Variants in EIF4E3 observed in about 807,000 individuals in gnomAD.
The protein encoded by EIF4E3 is eukaryotic translation initiation factor 4E family member 3, also known as eukaryotic translation initiation factor 4E type 3.
EIF4E3 carries 26 observed loss-of-function variants against 31.7 expected under a neutral mutation model. The observed-to-expected ratio is 0.82, with a 90% CI of 0.60 to 1.14. EIF4E3 has a LOEUF of 1.14. Among genes scored for constraint, EIF4E3 ranks in the 50% most tolerant of loss-of-function variants. The pLI is 0.00. For missense variants in EIF4E3, 304 were observed against 270.9 expected (o/e 1.12, Z -0.86); for synonymous variants, 128 against 107.7 (o/e 1.19, Z -1.17).
rs2048889435 is a variant in EIF4E3, at chr3:71,678,245, T to C, written c.*6437A>G. 6.6e-6 allele frequency: 1 copy of C among 152,206 alleles called. No homozygotes were observed. The highest frequency in any genetic ancestry group is 6.5e-5 in the Admixed American group (1 of 15,274). 9.4% of individuals were successfully genotyped at this position (152,206 alleles called of 1,614,324 possible). A position where few individuals can be genotyped will look rare whatever the true frequency, so the allele number is the denominator to read the frequency against. Reference sequence around the variant, plus strand: ...CTGGAGGATGAAAATGACATTTCTATACTATAAGAACCTCAATACAGAATG... The same window carrying C: ...CTGGAGGATGAAAATGACATTTCTACACTATAAGAACCTCAATACAGAATG... On this transcript the variant is annotated 3_prime_UTR_variant, in exon 7 of 7. Coordinates refer to ENST00000425534, the MANE Select transcript of EIF4E3 (RefSeq NM_001134651.2).
chr3:71,681,100 T>C lies in EIF4E3; in HGVS notation c.*3582A>G, dbSNP rs2048916856. ...ATCACTTATAAGGCCAATGAGAGCC[T>C]AGGATTTGAGATATTTTAAGCACAT... On this transcript the variant is annotated 3_prime_UTR_variant, in exon 7 of 7. Transcript: ENST00000425534. 1 of 152,230 alleles carries C rather than the reference T, an allele frequency of 6.6e-6. No individual in the cohort carries two copies. Among genetic ancestry groups the C allele is most frequent in the South Asian group, 2.1e-4 (1 of 4,832 alleles). 9.4% of individuals were successfully genotyped at this position (152,230 alleles called of 1,614,324 possible).
downstream of EIF4E3, among the ~76,000 whole-genome samples, chr3:71,675,017 C>A (rs1228347276): frequency 6.6e-6 from 1 of 152,168 alleles, no homozygotes; most frequent in East Asian, 1.9e-4. Flanking sequence ...GCATCCCGGA[C>A]AAGTTCAAAT....
intron 1 of EIF4E3, among the ~76,000 whole-genome samples, chr3:71,740,798 G>A (rs2049811914): frequency 6.6e-6 from 1 of 152,162 alleles, no homozygotes; most frequent in African/African-American, 2.4e-5. Flanking sequence ...GAATATATGA[G>A]AAAACCTGTT....
intron 6 of EIF4E3, 139 bp downstream of exon 6, chr3:71,689,869 CTT>C: frequency 2.9e-6 from 2 of 701,248 alleles, no homozygotes; most frequent in African/African-American, 1.9e-5. Context: ...AAAAAAAAAA[CTT>C]AAATGTATTT....
chr3:71,713,859 C>T (rs974075277), intron 1 of EIF4E3, among the ~76,000 whole-genome samples: 25 of 152,100 alleles, frequency 1.6e-4, no homozygotes, highest in African/African-American at 5.8e-4. Flanking sequence ...GGGTTACACT[C>T]AACAAGAGCT....
At chr3:71,660,774 G>A in the EIF4E3 span, among the ~76,000 whole-genome samples, 18 of 152,220 alleles carry the variant, frequency 1.2e-4, no homozygotes, top group Non-Finnish European at 2.4e-4. Context: ...GTTCTGTTTT[G>A]CGGATGACAA....
intron 2 of EIF4E3, among the ~76,000 whole-genome samples, chr3:71,709,154 G>A (rs576467922): frequency 6.6e-6 from 1 of 152,158 alleles, no homozygotes; most frequent in Non-Finnish European, 1.5e-5. Context: ...CAATCTAGAT[G>A]CAGATCTATT....
chr3:71,754,156 A>G, upstream of EIF4E3: 1 of 1,457,126 alleles, frequency 6.9e-7, no homozygotes, highest in Non-Finnish European at 9.1e-7. This position sits in a 1 kb window ranked among gnomAD's most constrained non-coding sequence, Gnocchi z 5.8. Context: ...CTAGCGGGCA[A>G]CGTGCTGTTC....
At chr3:71,690,268 G>A in intron 5 of EIF4E3, 103 bp from the exon 6 acceptor site, 1 of 1,273,250 alleles carries the variant, frequency 7.9e-7, no homozygotes, top group Non-Finnish European at 1.0e-6. Context: ...GGATAAGATG[G>A]AAAAAAGAAG....
At chr3:71,721,405 G>GT (rs1032937813) in intron 1 of EIF4E3, among the ~76,000 whole-genome samples, 8 of 152,172 alleles carry the variant, frequency 5.3e-5, no homozygotes, top group African/African-American at 1.9e-4. Context: ...GGCTCGGGGT[G>GT]TGTGTGTCAG....
At chr3:71,690,217 T>C in intron 5 of EIF4E3, 52 bp from the exon 6 acceptor site, 2 of 1,516,708 alleles carry the variant, frequency 1.3e-6, no homozygotes, top group African/African-American at 1.4e-5. Context: ...CAAGTCAGTC[T>C]GACTGTTTCT....
chr3:71,662,597 C>A, the EIF4E3 span, among the ~76,000 whole-genome samples: 2 of 152,184 alleles, frequency 1.3e-5, no homozygotes, highest in Non-Finnish European at 2.9e-5. Flanking sequence ...TGTTAAAAAT[C>A]TCTTGTCTCA....
chr3:71,690,039 T>TG lies in EIF4E3; in HGVS notation c.598dup (p.His200ProfsTer5). On this transcript the variant is annotated frameshift_variant, in exon 6 of 7. Transcript: ENST00000425534. LOFTEE classifies it high-confidence loss of function. ...ATAAAATACTGCTTTAAAAGTTATG[T>TG]GGGGCAGAAGTTCATAGATCTTTTC... 6.2e-7 allele frequency: 1 copy of TG among 1,612,508 alleles called. No homozygotes were observed.
chr3:71,665,460 A>C, the EIF4E3 span, among the ~76,000 whole-genome samples: 58 of 152,334 alleles, frequency 3.8e-4, no homozygotes, highest in African/African-American at 1.3e-3. Flanking sequence ...TTAGCCAGAG[A>C]ATTTCTACAA....
At chr3:71,666,122 A>G in the EIF4E3 span, among the ~76,000 whole-genome samples, 1 of 152,218 alleles carries the variant, frequency 6.6e-6, no homozygotes. Flanking sequence ...AGACAGAGAC[A>G]TGAAAAACTC....
chr3:71,711,897 C>T lies in EIF4E3; in HGVS notation c.177-1413G>A, dbSNP rs1326972872. On this transcript the variant is annotated intron_variant, in intron 1 of 6. Coordinates refer to ENST00000425534, the MANE Select transcript of EIF4E3 (RefSeq NM_001134651.2). ...ACTGGGGAGGCTGAGACACGAGAAT[C>T]GCTTGAACACAGGAGATGGAGGTTG... Among the ~76,000 whole-genome samples, 7 of 152,254 alleles carry T rather than the reference C, an allele frequency of 4.6e-5. No individual in the cohort carries two copies. In the East Asian group the frequency reaches 1.4e-3, roughly 29 times the overall value.
At chr3:71,697,050 C>CT (rs1036033351) in intron 3 of EIF4E3, among the ~76,000 whole-genome samples, 3 of 151,966 alleles carry the variant, frequency 2.0e-5, no homozygotes, top group African/African-American at 7.3e-5. Context: ...AGGTCTCACT[C>CT]TGTCACCCAG....
At chr3:71,718,784 GC>G (rs2049502859) in intron 1 of EIF4E3, among the ~76,000 whole-genome samples, 1 of 152,242 alleles carries the variant, frequency 6.6e-6, no homozygotes, top group East Asian at 1.9e-4. Context: ...AGGTAGAAAG[GC>G]TGGAAGTACT....
At chr3:71,659,482 C>T in the EIF4E3 span, among the ~76,000 whole-genome samples, 16 of 152,184 alleles carry the variant, frequency 1.1e-4, no homozygotes, top group Non-Finnish European at 2.2e-4. Context: ...GGGCACAGAT[C>T]GTCTTCTTGA....
Sources: allele counts gnomAD v4.1 joint callset (sites outside exome capture counted in the v4.1 genomes callset), GRCh38; gene constraint gnomAD v4.1.1; non-coding constraint Gnocchi (gnomAD v3.1); transcripts MANE v1.5; gene names NCBI Gene and HGNC (gene_info 2026-07-23, HGNC 2026-07-21).